CYP3A5: variants seen among roughly 807,000 people sequenced by gnomAD.
CYP3A5 encodes the protein cytochrome P450 3A5.
In CYP3A5, 51 loss-of-function variants were observed where a neutral mutation model predicts 55.9. That is an observed-to-expected ratio of 0.91 (90% CI 0.73 to 1.15). The LOEUF is 1.15. Among genes scored for constraint, CYP3A5 ranks in the 50% most tolerant of loss-of-function variants. CYP3A5 has a pLI of 0.00. For missense variants in CYP3A5, 533 were observed against 596.6 expected, an observed-to-expected ratio of 0.89 and a Z score of 1.11; for synonymous variants, 196 against 213.9, an observed-to-expected ratio of 0.92 and a Z score of 0.73.
At chr7:99,659,883 G>C (rs879287263) in intron 10 of CYP3A5, 3 of 149,908 alleles carry the variant, frequency 2.0e-5, no homozygotes, top group African/African-American at 7.7e-5. Flanking sequence ...CCATGCGCGG[G>C]ATATAATCTC....
intron 4 of CYP3A5, among the ~76,000 whole-genome samples, chr7:99,669,266 A>T (rs1488604467): frequency 2.0e-5 from 3 of 152,216 alleles, no homozygotes; most frequent in Non-Finnish European, 4.4e-5. Context: ...TACAATTTGA[A>T]GAGGCATTAT....
chr7:99,666,528 A>T, intron 6 of CYP3A5, 73 bp downstream of exon 6: 1 of 1,489,556 alleles, frequency 6.7e-7, no homozygotes, highest in East Asian at 2.3e-5. Context: ...CAACAGTGCG[A>T]CTGTCGACTC....
intron 1 of CYP3A5, chr7:99,676,531 T>C (rs781679085): frequency 2.9e-6 from 4 of 1,367,028 alleles, no homozygotes; most frequent in Admixed American, 3.8e-5. Context: ...CATTTCCTTA[T>C]GTCTGTTTAG....
Position 99,662,383 on chromosome 7 carries a change from GA to G in CYP3A5, c.865+432del, listed in dbSNP as rs1200268444. On this transcript the variant is annotated intron_variant, in intron 9 of 12. Transcript: ENST00000222982. This position sits in a 1 kb window ranked among gnomAD's most constrained non-coding sequence, Gnocchi z 4.3. Reference sequence around the variant, plus strand: ...ATTAGTTACTTATGCATTTCAAAGGGAAAAATAAAACTTTGCAGTAGATTAA... The same window carrying G: ...ATTAGTTACTTATGCATTTCAAAGGGAAAATAAAACTTTGCAGTAGATTAA... Among the ~76,000 whole-genome samples the G allele has an allele frequency of 1.3e-5, 2 of 152,176 alleles. No homozygotes were observed. The highest frequency in any genetic ancestry group is 6.5e-5 in the Admixed American group (1 of 15,270).
intron 11 of CYP3A5, among the ~76,000 whole-genome samples, chr7:99,651,649 A>G (rs79845761): frequency 1.3e-5 from 2 of 152,332 alleles, no homozygotes; most frequent in East Asian, 3.9e-4. Flanking sequence ...GGGCTAATGA[A>G]AGTCTAGATC....
chr7:99,677,184 A>G (rs1812374723), intron 1 of CYP3A5: 2 of 985,266 alleles, frequency 2.0e-6, no homozygotes, highest in Non-Finnish European at 2.4e-6. Flanking sequence ...CCTCCAACTG[A>G]TGGTTCTGGA....
At chr7:99,670,912 T>C (rs1811543977) in intron 4 of CYP3A5, 1 of 152,232 alleles carries the variant, frequency 6.6e-6, no homozygotes, top group Admixed American at 6.5e-5. Flanking sequence ...TTGTTCTCTT[T>C]TCTTTTATAA....
Position 99,648,401 on chromosome 7 carries a change from C to T in CYP3A5, c.1414-1G>A, listed in dbSNP as rs1441700361. Reference sequence around the variant, plus strand: ...CTTGCGTGTCTAATTTCAAGGGGATCTACAATAGTTAAACAAGCATATGGA... The same window carrying T: ...CTTGCGTGTCTAATTTCAAGGGGATTTACAATAGTTAAACAAGCATATGGA... On this transcript the variant is annotated splice_acceptor_variant, in intron 12 of 12. Transcript: ENST00000222982. LOFTEE classifies it high-confidence loss of function. 19 of 1,569,428 alleles carry T rather than the reference C, an allele frequency of 1.2e-5. No homozygotes were observed. Among genetic ancestry groups the T allele is most frequent in the Non-Finnish European group, 1.7e-5 (19 of 1,150,888 alleles).
At position 99,652,775 on chromosome 7, in the gene CYP3A5, G is replaced by T. The variant is rs1196672648; in HGVS notation, c.1031C>A (p.Pro344Gln). 2.5e-6 allele frequency: 4 copies of T among 1,612,674 alleles called. No homozygotes were observed. The highest frequency in any genetic ancestry group is 1.3e-5 in the African/African-American group (1 of 74,870). Residue 344 changes from proline to glutamine, a missense_variant, in exon 11 of 13, where the codon CCA (proline) becomes CAA (glutamine). Coordinates refer to ENST00000222982, the MANE Select transcript of CYP3A5 (RefSeq NM_000777.5). ...EIDAVLPNKA[P>Q]PTYDAVVQME... ...CTGTACCACGGCATCATAGGTAGGTGGTGCCTGGAAGGAAAGAAACAGAAT... is the reference window on the plus strand; with the variant it reads ...CTGTACCACGGCATCATAGGTAGGTTGTGCCTGGAAGGAAAGAAACAGAAT...
At chr7:99,649,235 G>A (rs1384396183) in intron 12 of CYP3A5, among the ~76,000 whole-genome samples, 1 of 152,178 alleles carries the variant, frequency 6.6e-6, no homozygotes, top group East Asian at 1.9e-4. Flanking sequence ...ACATAGGAAA[G>A]CTACACAGCT....
chr7:99,657,912 CT>C (rs1235026170), intron 10 of CYP3A5, among the ~76,000 whole-genome samples: 1 of 152,032 alleles, frequency 6.6e-6, no homozygotes, highest in Non-Finnish European at 1.5e-5. Flanking sequence ...CAACCCCTGC[CT>C]TTTTTTGTTG....
intron 2 of CYP3A5, 34 bp from the exon 3 acceptor site, chr7:99,674,619 A>G (rs1046541011): frequency 4.4e-6 from 7 of 1,581,974 alleles, no homozygotes; most frequent in African/African-American, 1.3e-5. Flanking sequence ...GTTGATTATT[A>G]TTTTAAATAG....
At position 99,650,059 on chromosome 7, in the gene CYP3A5, G is replaced by A. The variant is rs1209818867; in HGVS notation, c.1413+14C>T. On this transcript the variant is annotated intron_variant, in intron 12 of 12. Coordinates refer to ENST00000222982, the MANE Select transcript of CYP3A5 (RefSeq NM_000777.5). ...AAAAAAATTCTTAATAAAACATACAGAAAGTGTACTGACCTGTGTTTCTTT... is the reference window on the plus strand; with the variant it reads ...AAAAAAATTCTTAATAAAACATACAAAAAGTGTACTGACCTGTGTTTCTTT... The A allele has an allele frequency of 6.2e-6, 10 of 1,613,626 alleles. No homozygotes were observed. Among genetic ancestry groups the A allele is most frequent in the Non-Finnish European group, 8.5e-6 (10 of 1,179,794 alleles).
At position 99,672,598 on chromosome 7, in the gene CYP3A5, A is replaced by G. The variant is rs1479018540; in HGVS notation, c.300T>C (p.Ser100=). The stretch of plus-strand genomic sequence containing the variant: ...TGCTTACCCTTCGATTTGTGAAGAC[A>G]GAATAACATTCTTTCACTAGCACTG... ...IRTVLVKECY[S]VFTNRRSLGP... The change falls in exon 4 of 13, where the codon TCT becomes TCC. Residue 100 remains serine, a synonymous_variant. Coordinates refer to ENST00000222982, the MANE Select transcript of CYP3A5 (RefSeq NM_000777.5). 1.2e-6 allele frequency: 2 copies of G among 1,614,006 alleles called. No individual in the cohort carries two copies. The highest frequency in any genetic ancestry group is 1.7e-5 in the Admixed American group (1 of 60,022).
chr7:99,671,857 T>C, intron 4 of CYP3A5: 1 of 702,982 alleles, frequency 1.4e-6, no homozygotes. Flanking sequence ...TGCATCTTGA[T>C]GGTGCTGGTC....
chr7:99,669,748 T>C (rs981551781), intron 4 of CYP3A5, among the ~76,000 whole-genome samples: 2 of 152,218 alleles, frequency 1.3e-5, no homozygotes, highest in African/African-American at 4.8e-5. Flanking sequence ...GTCACCATGC[T>C]ATTAAAAGAC....
In CYP3A5 at chr7:99,648,390, T is replaced by C; in HGVS notation, c.1424A>G (p.Lys475Arg). Reference protein sequence around the residue: ...KPCKETQIPLKLDTQGLLQPE... With the variant: ...KPCKETQIPLRLDTQGLLQPE... The stretch of plus-strand genomic sequence containing the variant: ...TTGAAGAAGTCCTTGCGTGTCTAAT[T>C]TCAAGGGGATCTACAATAGTTAAAC... The change falls in exon 13 of 13, where the codon AAA (lysine) becomes AGA (arginine). Residue 475 changes from lysine to arginine, a missense_variant. By Grantham distance (26) the Lys-to-Arg change is conservative. Transcript: ENST00000222982. 1 of 1,611,920 alleles carries C rather than the reference T, an allele frequency of 6.2e-7. No homozygotes were observed. Among genetic ancestry groups the C allele is most frequent in the South Asian group, 1.1e-5 (1 of 90,870 alleles).
At chr7:99,663,264 T>C (rs986654969) in intron 8 of CYP3A5, 2 of 1,012,654 alleles carry the variant, frequency 2.0e-6, no homozygotes, top group South Asian at 4.0e-5. Flanking sequence ...AGTGTCCGTA[T>C]AGATTAATCT....
At chr7:99,674,838 G>T (rs918637910) in intron 2 of CYP3A5, among the ~76,000 whole-genome samples, 1 of 152,208 alleles carries the variant, frequency 6.6e-6, no homozygotes, top group Non-Finnish European at 1.5e-5. Flanking sequence ...TGACCAGTAA[G>T]TAATTCCTTG....
Sources: allele counts gnomAD v4.1 joint callset (sites outside exome capture counted in the v4.1 genomes callset), GRCh38; gene constraint gnomAD v4.1.1; non-coding constraint Gnocchi (gnomAD v3.1); transcripts MANE v1.5; gene names NCBI Gene and HGNC (gene_info 2026-07-23, HGNC 2026-07-21).